MCTP1: variants seen among roughly 807,000 people sequenced by gnomAD.
The protein encoded by MCTP1 is multiple C2 and transmembrane domain containing 1, also known as multiple C2 and transmembrane domain-containing protein 1.
In MCTP1, 69 loss-of-function variants were observed where a neutral mutation model predicts 120.6. The observed-to-expected ratio is 0.57, with a 90% confidence interval of 0.47 to 0.70. The LOEUF (loss-of-function observed/expected upper bound fraction) is 0.70, where lower values mean the gene tolerates loss of function less well. MCTP1 is among the 30% of genes least tolerant of loss of function. MCTP1 has a pLI of 0.00. For missense variants in MCTP1, 1,203 were observed against 1,248.8 expected (o/e 0.96, Z 0.55); for synonymous variants, 529 against 493.1 (o/e 1.07, Z -0.96).
At chr5:94,938,451 T>TAA (rs1223950437) in intron 5 of MCTP1, among the ~76,000 whole-genome samples, 3 of 152,056 alleles carry the variant, frequency 2.0e-5, no homozygotes, top group African/African-American at 7.2e-5. Context: ...TCCTCTGCTT[T>TAA]AAACACCTCC....
At chr5:94,910,940 T>C (rs1166904903) in intron 9 of MCTP1, among the ~76,000 whole-genome samples, 1 of 152,268 alleles carries the variant, frequency 6.6e-6, no homozygotes, top group South Asian at 2.1e-4. Context: ...TGTCTTTACT[T>C]ATCTGGCCTT....
intron 1 of MCTP1, among the ~76,000 whole-genome samples, chr5:95,146,965 A>G (rs147740235): frequency 2.6e-4 from 39 of 152,328 alleles, no homozygotes; most frequent in African/African-American, 8.9e-4. Flanking sequence ...TAATGCTATC[A>G]GTGGGGTGTT....
At chr5:95,208,127 T>C (rs1382272196) in intron 1 of MCTP1, among the ~76,000 whole-genome samples, 1 of 152,170 alleles carries the variant, frequency 6.6e-6, no homozygotes, top group Non-Finnish European at 1.5e-5. Flanking sequence ...TTTGCTCCTG[T>C]TGCCCAGGCT....
intron 2 of MCTP1, among the ~76,000 whole-genome samples, chr5:94,966,548 C>T (rs1242171549): frequency 1.3e-5 from 2 of 152,114 alleles, no homozygotes; most frequent in Admixed American, 6.5e-5. Flanking sequence ...GTAATCCCAA[C>T]ACTTTGGGAA....
At chr5:94,841,573 G>C (rs1171021471) in intron 17 of MCTP1, among the ~76,000 whole-genome samples, 1 of 152,136 alleles carries the variant, frequency 6.6e-6, no homozygotes, top group Admixed American at 6.5e-5. Flanking sequence ...ACAGCAGCTT[G>C]ACTCCCATCT....
intron 1 of MCTP1, among the ~76,000 whole-genome samples, chr5:95,276,410 T>C (rs1192940833): frequency 6.6e-6 from 1 of 151,258 alleles, no homozygotes; most frequent in Non-Finnish European, 1.5e-5. Context: ...AGGTACCTAC[T>C]CAACACCCAG....
intron 17 of MCTP1, among the ~76,000 whole-genome samples, chr5:94,809,377 AACT>A (rs1210613680): frequency 2.0e-5 from 3 of 152,102 alleles, no homozygotes; most frequent in Non-Finnish European, 4.4e-5. Context: ...GAGTATGTCC[AACT>A]TGAGCATCAC....
At chr5:94,971,217 A>C (rs1041796855) in intron 2 of MCTP1, among the ~76,000 whole-genome samples, 3 of 152,142 alleles carry the variant, frequency 2.0e-5, no homozygotes, top group African/African-American at 7.2e-5. Flanking sequence ...TCTTTGACAG[A>C]GAATAAGCCA....
chr5:95,100,281 A>G (rs1406999504), intron 1 of MCTP1, among the ~76,000 whole-genome samples: 1 of 152,320 alleles, frequency 6.6e-6, no homozygotes, highest in East Asian at 1.9e-4. Context: ...AATAATAAAA[A>G]AAAATTAAAA....
chr5:94,786,420 T>G (rs1353662042), intron 18 of MCTP1, among the ~76,000 whole-genome samples: 1 of 152,160 alleles, frequency 6.6e-6, no homozygotes, highest in Non-Finnish European at 1.5e-5. Context: ...ATTTTTTATC[T>G]TTTTTATATA....
intron 19 of MCTP1, among the ~76,000 whole-genome samples, chr5:94,728,851 A>G (rs1310090496): frequency 1.3e-5 from 2 of 152,104 alleles, no homozygotes; most frequent in Non-Finnish European, 2.9e-5. Context: ...TTTGAGTAGT[A>G]TTTTGTTTAG....
At chr5:94,984,097 G>C (rs1830022373) in intron 2 of MCTP1, among the ~76,000 whole-genome samples, 1 of 152,168 alleles carries the variant, frequency 6.6e-6, no homozygotes, top group Admixed American at 6.5e-5. Context: ...GAGCAAAAAT[G>C]AGTAATTCCT....
At chr5:95,095,897 C>T (rs938405008) in intron 1 of MCTP1, among the ~76,000 whole-genome samples, 2 of 151,902 alleles carry the variant, frequency 1.3e-5, no homozygotes, top group East Asian at 3.9e-4. Flanking sequence ...GAGGGGAGGC[C>T]CAGAAGGCAG....
At chr5:94,800,482 AAGCCTAC>A (rs1780993060) in intron 17 of MCTP1, among the ~76,000 whole-genome samples, 1 of 152,172 alleles carries the variant, frequency 6.6e-6, no homozygotes, top group Non-Finnish European at 1.5e-5. Context: ...AATCTCAGTG[AAGCCTAC>A]AGCCTATTTA....
intron 19 of MCTP1, among the ~76,000 whole-genome samples, chr5:94,742,022 C>T (rs1343884760): frequency 6.6e-6 from 1 of 152,048 alleles, no homozygotes; most frequent in Non-Finnish European, 1.5e-5. Flanking sequence ...TACTTTATTT[C>T]TAGAGTGTTT....
intron 17 of MCTP1, among the ~76,000 whole-genome samples, chr5:94,858,298 G>A (rs1271593000): frequency 5.3e-5 from 8 of 151,562 alleles, no homozygotes; most frequent in South Asian, 2.1e-4. Context: ...TCAAGAGTTC[G>A]TGATTACCAT....
At chr5:95,049,917 T>C (rs1745455104) in intron 1 of MCTP1, among the ~76,000 whole-genome samples, 1 of 152,166 alleles carries the variant, frequency 6.6e-6, no homozygotes, top group Admixed American at 6.6e-5. Context: ...AAATATGTTC[T>C]AAAAATACTC....
chr5:94,708,310 C>T (rs1015222565), intron 22 of MCTP1: 1 of 413,414 alleles, frequency 2.4e-6, no homozygotes, highest in Middle Eastern at 6.9e-4. Context: ...TATGCAACTG[C>T]TCTTTCTCCC....
At chr5:95,099,209 C>T (rs1262565392) in intron 1 of MCTP1, among the ~76,000 whole-genome samples, 53 of 152,294 alleles carry the variant, frequency 3.5e-4, no homozygotes, top group East Asian at 1.3e-3. Flanking sequence ...GACATAGGCA[C>T]GGGCAAGGAC....
Sources: allele counts gnomAD v4.1 joint callset (sites outside exome capture counted in the v4.1 genomes callset), GRCh38; gene constraint gnomAD v4.1.1; transcripts MANE v1.5; gene names NCBI Gene and HGNC (gene_info 2026-07-23, HGNC 2026-07-21).